The following FHOD3 variants were observed in gnomAD, a reference collection of about 807,000 sequenced individuals.
FHOD3 encodes the protein FH1/FH2 domain-containing protein 3.
A neutral mutation model predicts 173.0 loss-of-function variants in FHOD3; 90 were observed. That is an observed-to-expected ratio of 0.52 (90% CI 0.44 to 0.62). FHOD3 has a LOEUF of 0.62. Among genes scored for constraint, FHOD3 ranks in the 20% least tolerant of loss-of-function variants. The pLI, the probability that FHOD3 is intolerant of heterozygous loss-of-function variation, is 0.00. For synonymous variants in FHOD3, 828 were observed against 823.0 expected (o/e 1.01, Z -0.10); for missense variants, 1,945 against 2,034.7 (o/e 0.96, Z 0.85).
intron 14 of FHOD3, among the ~76,000 whole-genome samples, chr18:36,663,403 A>T (rs566509294): frequency 7.9e-5 from 12 of 152,092 alleles, no homozygotes; most frequent in African/African-American, 2.9e-4. Context: ...AGCCACGCTG[A>T]CCTCTCAGGA....
At chr18:36,508,725 A>G (rs1403505659) in intron 4 of FHOD3, among the ~76,000 whole-genome samples, 1 of 152,076 alleles carries the variant, frequency 6.6e-6, no homozygotes, top group Non-Finnish European at 1.5e-5. Flanking sequence ...TCAGTATCTC[A>G]CATTTATTTT....
chr18:36,494,145 T>G (rs928781906), intron 3 of FHOD3, among the ~76,000 whole-genome samples: 6 of 152,180 alleles, frequency 3.9e-5, no homozygotes, highest in African/African-American at 1.4e-4. Flanking sequence ...CACTGAAGTT[T>G]TCTTCATTGT....
intron 1 of FHOD3, among the ~76,000 whole-genome samples, chr18:36,340,794 G>A (rs1457144662): frequency 3.3e-5 from 5 of 151,676 alleles, no homozygotes; most frequent in African/African-American, 1.2e-4. Context: ...CCACCACCAC[G>A]CCCGGCTAAT....
intron 3 of FHOD3, among the ~76,000 whole-genome samples, chr18:36,497,015 T>C (rs1245879760): frequency 1.3e-5 from 2 of 152,240 alleles, no homozygotes; most frequent in African/African-American, 4.8e-5. Context: ...AGCTTTGATA[T>C]TGAAAAACAA....
intron 3 of FHOD3, among the ~76,000 whole-genome samples, chr18:36,458,462 A>C (rs557608610): frequency 6.6e-6 from 1 of 152,110 alleles, no homozygotes; most frequent in Non-Finnish European, 1.5e-5. Context: ...AAGTGTGTGC[A>C]TATCATGGGT....
At chr18:36,561,570 A>G (rs942670812) in intron 5 of FHOD3, among the ~76,000 whole-genome samples, 1 of 152,238 alleles carries the variant, frequency 6.6e-6, no homozygotes, top group Non-Finnish European at 1.5e-5. Flanking sequence ...TTGTGGATAT[A>G]TCATAAAAAC....
At chr18:36,566,011 G>A (rs1384803964) in intron 5 of FHOD3, among the ~76,000 whole-genome samples, 1 of 152,158 alleles carries the variant, frequency 6.6e-6, no homozygotes, top group African/African-American at 2.4e-5. Context: ...CCTTAAACGG[G>A]ATTATATCTC....
intron 3 of FHOD3, among the ~76,000 whole-genome samples, chr18:36,431,270 G>T (rs1301823939): frequency 6.6e-6 from 1 of 152,200 alleles, no homozygotes. Context: ...TTCTGTTAAA[G>T]GGACATGGAG....
intron 21 of FHOD3, among the ~76,000 whole-genome samples, chr18:36,742,019 A>G (rs760787321): frequency 3.9e-5 from 6 of 152,164 alleles, no homozygotes; most frequent in African/African-American, 7.2e-5. Flanking sequence ...AAGGGAGGTA[A>G]CATCAGGGAG....
chr18:36,587,396 C>G (rs887467951), intron 6 of FHOD3, among the ~76,000 whole-genome samples: 42 of 152,284 alleles, frequency 2.8e-4, no homozygotes, highest in African/African-American at 9.6e-4. Context: ...TCGTATTTCC[C>G]AAAGGTAAGC....
intron 1 of FHOD3, among the ~76,000 whole-genome samples, chr18:36,313,973 C>T (rs1353165633): frequency 1.3e-5 from 2 of 151,894 alleles, no homozygotes; most frequent in African/African-American, 2.4e-5. Flanking sequence ...GCCTCGACCT[C>T]CTAGGCTCAA....
At chr18:36,423,152 C>T (rs990276647) in intron 3 of FHOD3, among the ~76,000 whole-genome samples, 4 of 151,788 alleles carry the variant, frequency 2.6e-5, no homozygotes, top group Admixed American at 6.6e-5. Context: ...CCTCATTCTG[C>T]TATGCTATGC....
chr18:36,600,877 A>G (rs1478086330), intron 7 of FHOD3, among the ~76,000 whole-genome samples: 1 of 152,192 alleles, frequency 6.6e-6, no homozygotes, highest in Non-Finnish European at 1.5e-5. Flanking sequence ...TCCCCTGCAC[A>G]TTCTTCCTTT....
At chr18:36,631,372 T>C (rs2148864047) in intron 10 of FHOD3, among the ~76,000 whole-genome samples, 1 of 152,342 alleles carries the variant, frequency 6.6e-6, no homozygotes, top group South Asian at 2.1e-4. Flanking sequence ...TATATGGCCA[T>C]TGGCTCATAG....
chr18:36,475,747 A>AACAC (rs2053530493), intron 3 of FHOD3, among the ~76,000 whole-genome samples: 1 of 119,860 alleles, frequency 8.3e-6, no homozygotes, highest in African/African-American at 3.4e-5. Context: ...CATATATAGA[A>AACAC]ACATACACAC....
At chr18:36,528,237 G>A (rs1345635762) in intron 5 of FHOD3, among the ~76,000 whole-genome samples, 1 of 152,196 alleles carries the variant, frequency 6.6e-6, no homozygotes, top group East Asian at 1.9e-4. Flanking sequence ...TAGAAGGAAA[G>A]CCCCACAAGA....
chr18:36,375,522 C>T (rs2047397626), intron 3 of FHOD3, among the ~76,000 whole-genome samples: 1 of 152,222 alleles, frequency 6.6e-6, no homozygotes, highest in Non-Finnish European at 1.5e-5. Flanking sequence ...ACATTCTCTT[C>T]TCCTTCATTC....
intron 14 of FHOD3, among the ~76,000 whole-genome samples, chr18:36,674,696 G>A (rs2037735747): frequency 1.3e-5 from 2 of 152,168 alleles, no homozygotes; most frequent in African/African-American, 4.8e-5. Context: ...CCTGTCACTT[G>A]GCTAGGAGAA....
intron 16 of FHOD3, among the ~76,000 whole-genome samples, chr18:36,688,833 C>T (rs1291695061): frequency 2.0e-5 from 3 of 152,332 alleles, no homozygotes; most frequent in Non-Finnish European, 4.4e-5. Context: ...GGAAGTCCAG[C>T]TCTTTCTGGA....
Sources: allele counts gnomAD v4.1 joint callset (sites outside exome capture counted in the v4.1 genomes callset), GRCh38; gene constraint gnomAD v4.1.1; transcripts MANE v1.5; gene names NCBI Gene and HGNC (gene_info 2026-07-23, HGNC 2026-07-21).